Variants in SPTAN1 observed in about 807,000 individuals in gnomAD.
SPTAN1 encodes spectrin alpha chain, non-erythrocytic 1.
A neutral mutation model predicts 331.3 loss-of-function variants in SPTAN1; 61 were observed. The ratio of observed to expected loss-of-function variants is 0.18; its 90% confidence interval spans 0.15 to 0.23. SPTAN1 has a LOEUF of 0.23. Among genes scored for constraint, SPTAN1 ranks in the 10% least tolerant of loss-of-function variants. The probability of loss-of-function intolerance (pLI) is 1.00; values close to 1 mark genes in which losing one functional copy is unlikely to be tolerated. For missense variants in SPTAN1, 2,043 were observed against 3,147.9 expected (o/e 0.65, Z 8.40); for synonymous variants, 1,153 against 1,173.9 (o/e 0.98, Z 0.36).
chr9:128,584,665 C>G, intron 17 of SPTAN1, 56 bp from the exon 18 acceptor site: 1 of 1,614,122 alleles, frequency 6.2e-7, no homozygotes, highest in Non-Finnish European at 8.5e-7. Context: ...AATGACAAAT[C>G]AGTGCTGACT....
Position 128,627,981 on chromosome 9 carries a change from G to C in SPTAN1, c.6707+39G>C, listed in dbSNP as rs745682285. 6 of 1,613,706 alleles carry C rather than the reference G, an allele frequency of 3.7e-6. No homozygotes were observed. The highest frequency in any genetic ancestry group is 5.1e-6 in the Non-Finnish European group (6 of 1,179,654). ...TCTTCCTTCTCTGGGCTTGTCATGT[G>C]GGGGTCTCGTGCGCTTGCCCCTCGT... On this transcript the variant is annotated intron_variant, in intron 51 of 56. Transcript: ENST00000372739. This position sits in a 1 kb window ranked among gnomAD's most constrained non-coding sequence, Gnocchi z 4.9.
intron 2 of SPTAN1, among the ~76,000 whole-genome samples, chr9:128,567,713 C>A (rs758128817): frequency 2.6e-5 from 4 of 152,032 alleles, no homozygotes; most frequent in Non-Finnish European, 4.4e-5. Context: ...CTTGGTAAAT[C>A]TTATCAAAAG....
chr9:128,555,512 C>A, intron 1 of SPTAN1: 1 of 798,734 alleles, frequency 1.3e-6, no homozygotes, highest in Non-Finnish European at 1.7e-6. Flanking sequence ...GGAAAAAAAC[C>A]CTGCCTGCAT....
intron 38 of SPTAN1, 46 bp downstream of exon 38, chr9:128,611,891 G>A (rs575341120): frequency 2.6e-5 from 42 of 1,613,616 alleles, no homozygotes; most frequent in Admixed American, 3.3e-5. Context: ...GATGACCACC[G>A]TCACTGTCAA....
chr9:128,555,939 G>A (rs1363860163), intron 1 of SPTAN1, among the ~76,000 whole-genome samples: 2 of 151,764 alleles, frequency 1.3e-5, no homozygotes, highest in Admixed American at 1.3e-4. Context: ...AATAGCTCTC[G>A]GGCTGGGTGC....
At chr9:128,561,015 C>CAAAAAAAA (rs10648319) in intron 1 of SPTAN1, among the ~76,000 whole-genome samples, 3 of 60,316 alleles carry the variant, frequency 5.0e-5, no homozygotes, top group Non-Finnish European at 5.7e-5. Context: ...GACCCCATCT[C>CAAAAAAAA]AAAAAAAAAA....
At chr9:128,630,530 C>A in intron 52 of SPTAN1, 155 bp downstream of exon 52, 1 of 679,560 alleles carries the variant, frequency 1.5e-6, no homozygotes, top group Admixed American at 2.5e-5. Flanking sequence ...TTCACTATCT[C>A]TCTCTCTTTT....
chr9:128,623,151 G>T (rs963786479), intron 45 of SPTAN1, among the ~76,000 whole-genome samples: 3 of 151,902 alleles, frequency 2.0e-5, no homozygotes, highest in Admixed American at 2.0e-4. Context: ...TGCCTCCCGG[G>T]TTTCAGCAGT....
At chr9:128,631,278 G>A (rs1234850113) in intron 52 of SPTAN1, among the ~76,000 whole-genome samples, 2 of 151,902 alleles carry the variant, frequency 1.3e-5, no homozygotes, top group African/African-American at 2.4e-5. Flanking sequence ...GCCAACATGG[G>A]GAAACCCCAT....
intron 40 of SPTAN1, among the ~76,000 whole-genome samples, chr9:128,614,345 A>C (rs978511954): frequency 2.6e-5 from 4 of 152,164 alleles, no homozygotes; most frequent in African/African-American, 9.7e-5. Context: ...TAATCGTAGC[A>C]CTTTGGGAGG....
chr9:128,624,847 T>G, intron 46 of SPTAN1: 2 of 579,414 alleles, frequency 3.5e-6, no homozygotes, highest in Non-Finnish European at 3.1e-6. Context: ...TGGGTCCGGA[T>G]ATCGGGGTCC....
chr9:128,558,679 C>T (rs1373414596), intron 1 of SPTAN1, among the ~76,000 whole-genome samples: 3 of 152,146 alleles, frequency 2.0e-5, no homozygotes, highest in Non-Finnish European at 4.4e-5. Flanking sequence ...TGGGAACAGC[C>T]TGGAACGTTC....
intron 10 of SPTAN1, 135 bp from the exon 11 acceptor site, chr9:128,580,787 T>TTTCCC (rs1851846811): frequency 8.2e-7 from 1 of 1,216,354 alleles, no homozygotes; most frequent in Non-Finnish European, 1.2e-6. Flanking sequence ...GAATGTTGTT[T>TTTCCC]TTCCCCTTTT....
rs375441905 is a variant in SPTAN1, at chr9:128,630,638, C to T, written c.6762+263C>T. ...TCCACCTCCCAGGTCAAGCAATTCT[C>T]CTGCCTCAGCCTCCCAAATAGCTGT... On this transcript the variant is annotated intron_variant, in intron 52 of 56. Transcript: ENST00000372739. The T allele has an allele frequency of 4.7e-4, 206 of 433,862 alleles. 4 individuals carry two copies. The highest frequency in any genetic ancestry group is 2.1e-3 in the South Asian group (95 of 44,264). The allele number at this position is 433,862 out of a possible 1,614,324, so 26.9% of individuals were successfully genotyped here. A position where few individuals can be genotyped will look rare whatever the true frequency, so the allele number is the denominator to read the frequency against.
At position 128,565,000 on chromosome 9, in the gene SPTAN1, T is replaced by G. The variant is rs561742043; in HGVS notation, c.-3-1738T>G. On this transcript the variant is annotated intron_variant, in intron 1 of 56. Transcript: ENST00000372739. ...GGTCCTGCTCAAGAGGTGGGTTCTT[T>G]CTTCTGTCTGAAGGAAGCCATAGGT... Among the ~76,000 whole-genome samples, 40 of 152,294 alleles carry G rather than the reference T, an allele frequency of 2.6e-4. 1 individual carries two copies. Among genetic ancestry groups the G allele is most frequent in the African/African-American group, 9.4e-4 (39 of 41,572 alleles).
intron 24 of SPTAN1, 141 bp from the exon 25 acceptor site, chr9:128,598,259 T>G (rs1340874846): frequency 2.8e-6 from 2 of 705,968 alleles, no homozygotes; most frequent in East Asian, 5.7e-5. Flanking sequence ...CATAGCTTAT[T>G]TTTTTAATCC....
chr9:128,591,404 A>G, intron 21 of SPTAN1, 73 bp from the exon 22 acceptor site: 1 of 1,597,696 alleles, frequency 6.3e-7, no homozygotes. Flanking sequence ...GTGTGTGTGT[A>G]TACACGTGAC....
At chr9:128,562,059 T>A (rs551679491) in intron 1 of SPTAN1, among the ~76,000 whole-genome samples, 105 of 152,314 alleles carry the variant, frequency 6.9e-4, no homozygotes, top group African/African-American at 2.5e-3. Flanking sequence ...AGACTTCTGA[T>A]TCAGAAAGAC....
intron 48 of SPTAN1, 96 bp downstream of exon 48, chr9:128,626,074 G>C: frequency 6.8e-7 from 1 of 1,471,184 alleles, no homozygotes; most frequent in Non-Finnish European, 9.4e-7. Flanking sequence ...CCTTGAGGAA[G>C]CTGTGAGCTC....
Sources: gnomAD v4.1 joint callset for allele counts (sites outside exome capture counted in the v4.1 genomes callset) on GRCh38, gnomAD v4.1.1 for gene constraint, Gnocchi (gnomAD v3.1) non-coding constraint, MANE v1.5 for transcripts, NCBI Gene and HGNC (gene_info 2026-07-23, HGNC 2026-07-21) for gene names.